The following ANKFN1 variants were observed in gnomAD, a reference collection of about 807,000 sequenced individuals.
ANKFN1 encodes ankyrin repeat and fibronectin type-III domain-containing protein 1.
In ANKFN1, 74 loss-of-function variants were observed where a neutral mutation model predicts 108.7. The ratio of observed to expected loss-of-function variants is 0.68; its 90% CI spans 0.56 to 0.83. ANKFN1 has a LOEUF of 0.83. ANKFN1 is among the 40% of genes least tolerant of loss of function. The pLI is 0.00. For synonymous variants in ANKFN1, 547 were observed against 516.2 expected, an observed-to-expected ratio of 1.06 and a Z score of -0.81; for missense variants, 1,505 against 1,382.3, an observed-to-expected ratio of 1.09 and a Z score of -1.41.
Position 56,116,832 on chromosome 17 carries a change from C to T in ANKFN1, c.288+70507C>T, listed in dbSNP as rs565667360. On this transcript the variant is annotated intron_variant, in intron 4 of 12. Coordinates refer to the ANKFN1 transcript ENST00000635860. Reference sequence around the variant, plus strand: ...TTGCATTAAGTTAAAATGTGACTTTCTCATGATAGATGTGATGGTTACCTT... The same window carrying T: ...TTGCATTAAGTTAAAATGTGACTTTTTCATGATAGATGTGATGGTTACCTT... 8.5e-5 allele frequency among the ~76,000 whole-genome samples: 13 copies of T among 152,212 alleles called. No individual in the cohort carries two copies. The South Asian group carries it at 2.5e-3, about 29-fold the overall frequency.
chr17:56,049,399 T>C (rs1379042295), intron 4 of ANKFN1, among the ~76,000 whole-genome samples: 1 of 151,782 alleles, frequency 6.6e-6, no homozygotes, highest in Admixed American at 6.6e-5. Context: ...AAATGATTTT[T>C]TTTTATTATA....
At chr17:56,306,980 C>T (rs568908350) in intron 3 of ANKFN1, among the ~76,000 whole-genome samples, 56 of 152,144 alleles carry the variant, frequency 3.7e-4, no homozygotes, top group African/African-American at 1.2e-3. Context: ...AATGGGGAAA[C>T]GATTCCCTAT....
intron 20 of ANKFN1, among the ~76,000 whole-genome samples, chr17:56,506,919 A>C (rs1400579787): frequency 2.0e-5 from 3 of 152,222 alleles, no homozygotes; most frequent in Non-Finnish European, 2.9e-5. Flanking sequence ...TCTGATCTGC[A>C]AAATGAGAAT....
At chr17:56,442,141 GTTTTAACAATGGCTTTAAA>G (rs2145168336) in intron 9 of ANKFN1, among the ~76,000 whole-genome samples, 1 of 152,248 alleles carries the variant, frequency 6.6e-6, no homozygotes, top group East Asian at 1.9e-4. Context: ...ATAAGCCATT[GTTTTAACAATGGCTTTAAA>G]ATTGAAGTCA....
chr17:56,357,063 C>T (rs1257588475), intron 6 of ANKFN1, among the ~76,000 whole-genome samples: 1 of 152,148 alleles, frequency 6.6e-6, no homozygotes, highest in East Asian at 1.9e-4. Flanking sequence ...TTTTCCTCCT[C>T]ATTCTCTCTG....
At chr17:56,112,751 C>T (rs1906038546) in intron 4 of ANKFN1, among the ~76,000 whole-genome samples, 1 of 151,868 alleles carries the variant, frequency 6.6e-6, no homozygotes, top group South Asian at 2.1e-4. Flanking sequence ...TGTGTAGATA[C>T]ACCCTAATTT....
intron 6 of ANKFN1, among the ~76,000 whole-genome samples, chr17:56,366,193 G>A (rs2046657092): frequency 6.6e-6 from 1 of 152,112 alleles, no homozygotes; most frequent in African/African-American, 2.4e-5. Context: ...AAGCTTATAG[G>A]ATAAGGATAT....
chr17:56,085,637 G>A (rs1265233681), intron 4 of ANKFN1, among the ~76,000 whole-genome samples: 6 of 151,338 alleles, frequency 4.0e-5, no homozygotes, highest in African/African-American at 1.2e-4. Context: ...CCCACCAACT[G>A]GCAACTGACT....
chr17:56,049,737 C>A (rs1183193053), intron 4 of ANKFN1, among the ~76,000 whole-genome samples: 2 of 148,230 alleles, frequency 1.3e-5, no homozygotes, highest in Non-Finnish European at 3.0e-5. Context: ...TTTTTTATGG[C>A]TGCATAGTAT....
intron 8 of ANKFN1, among the ~76,000 whole-genome samples, chr17:56,425,436 T>G (rs1450549002): frequency 6.6e-6 from 1 of 152,236 alleles, no homozygotes; most frequent in African/African-American, 2.4e-5. Flanking sequence ...AAGAGAAATT[T>G]TCCTAAAATG....
At chr17:56,197,063 C>T (rs1913581033) in intron 1 of ANKFN1, among the ~76,000 whole-genome samples, 1 of 152,166 alleles carries the variant, frequency 6.6e-6, no homozygotes, top group South Asian at 2.1e-4. Flanking sequence ...AGATTTGTCT[C>T]CCAGGAAAAC....
intron 4 of ANKFN1, among the ~76,000 whole-genome samples, chr17:56,058,662 C>T (rs996136345): frequency 7.9e-5 from 12 of 152,232 alleles, no homozygotes; most frequent in African/African-American, 2.9e-4. Flanking sequence ...TCAACTCACA[C>T]TTATAAGTGA....
At chr17:56,383,517 T>C (rs983131677) in intron 8 of ANKFN1, among the ~76,000 whole-genome samples, 3 of 152,066 alleles carry the variant, frequency 2.0e-5, no homozygotes. Context: ...CAAAAAACCC[T>C]TCAAAAAATT....
intron 4 of ANKFN1, among the ~76,000 whole-genome samples, chr17:56,145,660 A>G (rs1908213639): frequency 6.6e-6 from 1 of 152,196 alleles, no homozygotes; most frequent in Admixed American, 6.5e-5. Flanking sequence ...TTACAATTCA[A>G]GGTGAAATTT....
At chr17:56,152,136 A>G (rs1908669985), upstream of ANKFN1, among the ~76,000 whole-genome samples, 4 of 152,152 alleles carry the variant, frequency 2.6e-5, no homozygotes, top group Admixed American at 6.5e-5. Context: ...TGTAAAAAGT[A>G]CTATGGAAGC....
intron 4 of ANKFN1, among the ~76,000 whole-genome samples, chr17:56,082,259 T>G (rs1905254976): frequency 6.6e-6 from 1 of 151,610 alleles, no homozygotes; most frequent in Non-Finnish European, 1.5e-5. Flanking sequence ...CAACCAAGTT[T>G]TTGTTGTTGT....
At chr17:56,115,280 C>T (rs1254234611) in intron 4 of ANKFN1, among the ~76,000 whole-genome samples, 4 of 152,068 alleles carry the variant, frequency 2.6e-5, no homozygotes, top group Non-Finnish European at 1.5e-5. Flanking sequence ...TATTGATGAA[C>T]AATTGCAGGG....
intron 8 of ANKFN1, among the ~76,000 whole-genome samples, chr17:56,394,507 G>A (rs1364151077): frequency 6.6e-6 from 1 of 152,192 alleles, no homozygotes; most frequent in Non-Finnish European, 1.5e-5. Flanking sequence ...GCCTGCCAGT[G>A]GAGATTTAAC....
At chr17:56,304,310 A>G (rs2044755607) in intron 3 of ANKFN1, among the ~76,000 whole-genome samples, 1 of 152,168 alleles carries the variant, frequency 6.6e-6, no homozygotes. Flanking sequence ...CAGGGTGGTT[A>G]TGTGTATCGA....
Sources: allele counts gnomAD v4.1 joint callset (sites outside exome capture counted in the v4.1 genomes callset), GRCh38; gene constraint gnomAD v4.1.1; transcripts MANE v1.5; gene names NCBI Gene and HGNC (gene_info 2026-07-23, HGNC 2026-07-21).